The following SLC30A8 variants were observed in gnomAD, a reference collection of about 807,000 sequenced individuals.
SLC30A8 encodes the protein proton-coupled zinc antiporter SLC30A8.
SLC30A8 carries 27 observed loss-of-function variants against 36.9 expected under a neutral mutation model. The ratio of observed to expected loss-of-function variants is 0.73; its 90% CI spans 0.54 to 1.01. The LOEUF (loss-of-function observed/expected upper bound fraction) is 1.01, where lower values mean the gene tolerates loss of function less well. SLC30A8 is among the 50% of genes least tolerant of loss of function. SLC30A8 has a pLI of 0.00. For synonymous variants in SLC30A8, 164 were observed against 172.4 expected (o/e 0.95, Z 0.38); for missense variants, 439 against 452.0 (o/e 0.97, Z 0.26).
chr8:117,037,888 G>A (rs187191674), intron 1 of SLC30A8, among the ~76,000 whole-genome samples: 18 of 152,168 alleles, frequency 1.2e-4, no homozygotes, highest in African/African-American at 4.3e-4. Context: ...AGTTAGAAAA[G>A]AAAATGATCA....
chr8:116,963,819 A>C (rs933272786), intron 1 of SLC30A8, among the ~76,000 whole-genome samples: 24 of 152,318 alleles, frequency 1.6e-4, no homozygotes, highest in African/African-American at 5.8e-4. Context: ...TATTTAGCTT[A>C]TTAAGGCACT....
intron 1 of SLC30A8, among the ~76,000 whole-genome samples, chr8:117,004,833 T>G (rs1816120894): frequency 6.6e-6 from 1 of 152,192 alleles, no homozygotes; most frequent in Non-Finnish European, 1.5e-5. Flanking sequence ...TAGTAGCAAA[T>G]GCCATCTTTC....
At chr8:117,137,282 C>G (rs929992889) in intron 1 of SLC30A8, among the ~76,000 whole-genome samples, 7 of 151,970 alleles carry the variant, frequency 4.6e-5, no homozygotes, top group Non-Finnish European at 8.8e-5. Flanking sequence ...TTGTGGATAA[C>G]TTTATCCCCT....
intron 2 of SLC30A8, among the ~76,000 whole-genome samples, chr8:117,123,918 G>C (rs572249764): frequency 4.6e-5 from 7 of 151,978 alleles, no homozygotes; most frequent in Non-Finnish European, 1.0e-4. Flanking sequence ...TAGTGCAGTT[G>C]GTATGTTAAC....
rs143446522 is a variant in SLC30A8 at position 116,953,767 on chromosome 8, A to G, written c.-266+2648A>G. Among the ~76,000 whole-genome samples, 39 of 151,976 alleles carry G rather than the reference A, an allele frequency of 2.6e-4. 2 individuals are homozygous for G. The South Asian group carries it at 7.9e-3, about 31-fold the overall frequency. ...TTCATCTCGTTTTCTGTTTTCCCCC[A>G]TTTCAAGTTCTATTTATTTCTGATT... On this transcript the variant is annotated intron_variant, in intron 1 of 10. Coordinates refer to the SLC30A8 transcript ENST00000427715.
intron 1 of SLC30A8, among the ~76,000 whole-genome samples, chr8:116,961,613 G>GTATTTTATAAAATACACATTTTATATGT (rs1814427085): frequency 6.6e-6 from 1 of 151,686 alleles, no homozygotes; most frequent in South Asian, 2.1e-4. Flanking sequence ...CCACAGAATG[G>GTATTTTATAAAATACACATTTTATATGT]GTAATTTATA....
intron 1 of SLC30A8, among the ~76,000 whole-genome samples, chr8:116,972,316 A>G (rs1314000230): frequency 6.6e-6 from 1 of 152,224 alleles, no homozygotes; most frequent in African/African-American, 2.4e-5. Flanking sequence ...AGATCTGGTA[A>G]CAATTCTGTA....
chr8:117,024,130 A>G (rs985004768), intron 1 of SLC30A8, among the ~76,000 whole-genome samples: 1 of 152,222 alleles, frequency 6.6e-6, no homozygotes, highest in African/African-American at 2.4e-5. Context: ...TTGCTGTTGG[A>G]TAGATATTGT....
intron 1 of SLC30A8, 77 bp downstream of exon 1, chr8:117,135,475 T>C: frequency 4.2e-6 from 5 of 1,192,990 alleles, no homozygotes; most frequent in Middle Eastern, 2.2e-4. Flanking sequence ...TGCTTCTGAA[T>C]TGTAGGCCTT....
At chr8:117,096,396 G>A (rs772862765) in intron 2 of SLC30A8, among the ~76,000 whole-genome samples, 1 of 152,102 alleles carries the variant, frequency 6.6e-6, no homozygotes, top group Non-Finnish European at 1.5e-5. Context: ...TCTACTTGCT[G>A]TTCCACATCT....
intron 1 of SLC30A8, among the ~76,000 whole-genome samples, chr8:117,020,473 T>C (rs1190205440): frequency 1.3e-5 from 2 of 152,204 alleles, no homozygotes; most frequent in Admixed American, 6.5e-5. Context: ...TGGTACTAAT[T>C]ATTAAAGTTA....
intron 2 of SLC30A8, among the ~76,000 whole-genome samples, chr8:117,053,727 A>G (rs1817782613): frequency 6.6e-6 from 1 of 152,210 alleles, no homozygotes; most frequent in South Asian, 2.1e-4. Context: ...AAAGCAATGC[A>G]TGCATAGTGC....
intron 1 of SLC30A8, among the ~76,000 whole-genome samples, chr8:116,977,141 C>CTTTTT (rs71305451): frequency 4.5e-3 from 266 of 59,086 alleles, no homozygotes; most frequent in Middle Eastern, 0.022. Flanking sequence ...CTTTTTCTTG[C>CTTTTT]TTTTTTTTTT....
rs540784586 is a variant in SLC30A8 at position 117,042,209 on chromosome 8, C to T, written c.-226+2951C>T. On this transcript the variant is annotated intron_variant, in intron 2 of 10. Transcript: ENST00000427715. Reference sequence around the variant, plus strand: ...GATGTCTTTATGAAAAATGATGTCACCCTGATATCAGCAATAAAATAACAA... The same window carrying T: ...GATGTCTTTATGAAAAATGATGTCATCCTGATATCAGCAATAAAATAACAA... Among the ~76,000 whole-genome samples the T allele has an allele frequency of 4.6e-5, 7 of 152,286 alleles. No homozygotes were observed. In the South Asian group the frequency reaches 1.4e-3, roughly 32 times the overall value.
upstream of SLC30A8, chr8:116,950,233 C>G (rs534218242): frequency 3.8e-3 from 611 of 161,938 alleles, 1 homozygote; most frequent in Middle Eastern, 0.011. Context: ...AGAGCGGACG[C>G]CGAGGCCGAG....
At chr8:117,097,987 ATTTAAATAAATATATAATATATATTTAT>A (rs1359446309) in intron 2 of SLC30A8, among the ~76,000 whole-genome samples, 109 of 126,832 alleles carry the variant, frequency 8.6e-4, no homozygotes, top group South Asian at 3.0e-3. Flanking sequence ...AATTTAATAA[ATTTAAATAAATATATAATATATATTTAT>A]TTTAAATAAA....
At position 117,163,486 on chromosome 8, in the gene SLC30A8, G is replaced by C; in HGVS notation, c.785G>C (p.Ser262Thr). 1 of 1,613,408 alleles carries C rather than the reference G, an allele frequency of 6.2e-7. No individual in the cohort carries two copies. Among genetic ancestry groups the C allele is most frequent in the Non-Finnish European group, 8.5e-7 (1 of 1,179,672 alleles). The change falls in exon 6 of 8, where the codon AGC becomes ACC. Residue 262 changes from serine to threonine, a missense_variant. Coordinates refer to ENST00000456015, the MANE Select transcript of SLC30A8 (RefSeq NM_173851.3). The part of the protein sequence containing the change: ...TFIFSILVLA[S>T]TITILKDFSI... ...ATCTTTTCCATCCTGGTCTTGGCCA[G>C]CACCATCACTATCTTAAAGGACTTC...
At chr8:117,090,980 T>C (rs971378103) in intron 2 of SLC30A8, among the ~76,000 whole-genome samples, 2 of 152,216 alleles carry the variant, frequency 1.3e-5, no homozygotes, top group Non-Finnish European at 2.9e-5. Flanking sequence ...ATGTCTGGAA[T>C]AAATGGATGA....
intron 1 of SLC30A8, among the ~76,000 whole-genome samples, chr8:116,994,186 A>G (rs1012977973): frequency 2.0e-5 from 3 of 152,106 alleles, no homozygotes; most frequent in African/African-American, 7.3e-5. Flanking sequence ...ATTTGGAGCA[A>G]CTGGACCTCT....
Sources: gnomAD v4.1 joint callset for allele counts (sites outside exome capture counted in the v4.1 genomes callset) on GRCh38, gnomAD v4.1.1 for gene constraint, MANE v1.5 for transcripts, NCBI Gene and HGNC (gene_info 2026-07-23, HGNC 2026-07-21) for gene names.